The following PRKCH variants were observed in gnomAD, a reference collection of about 807,000 sequenced individuals.
PRKCH encodes protein kinase C eta type.
In PRKCH, 28 loss-of-function variants were observed where a neutral mutation model predicts 82.5. That is an observed-to-expected ratio of 0.34 (90% confidence interval 0.25 to 0.47). The LOEUF (loss-of-function observed/expected upper bound fraction) is 0.47. Ranked by LOEUF, PRKCH falls within the 20% of genes least tolerant of loss-of-function variation. The pLI is 1.00. For synonymous variants in PRKCH, 322 were observed against 327.4 expected, an observed-to-expected ratio of 0.98 and a Z score of 0.18; for missense variants, 705 against 881.8, an observed-to-expected ratio of 0.80 and a Z score of 2.54.
chr14:61,473,130 T>C (rs1885577522), intron 9 of PRKCH, among the ~76,000 whole-genome samples: 3 of 152,054 alleles, frequency 2.0e-5, no homozygotes, highest in Admixed American at 2.0e-4. Context: ...GTAACAGCAG[T>C]GCAAAGGCAC....
At chr14:61,435,024 C>T (rs1202523641) in intron 2 of PRKCH, among the ~76,000 whole-genome samples, 2 of 152,008 alleles carry the variant, frequency 1.3e-5, no homozygotes, top group African/African-American at 4.8e-5. Context: ...AAAATTAATA[C>T]CTCCCACCCC....
intron 9 of PRKCH, chr14:61,463,101 C>T (rs1244963586): frequency 2.0e-5 from 3 of 152,218 alleles, no homozygotes; most frequent in Admixed American, 6.5e-5. Flanking sequence ...GCTTTGTTTT[C>T]CACCATCTAA....
intron 1 of PRKCH, among the ~76,000 whole-genome samples, chr14:61,325,312 C>A (rs767360144): frequency 6.6e-6 from 1 of 152,100 alleles, no homozygotes; most frequent in Non-Finnish European, 1.5e-5. Context: ...AGGAATAGAT[C>A]CACACATATA....
chr14:61,430,054 G>C (rs1883310508), intron 2 of PRKCH, among the ~76,000 whole-genome samples: 1 of 152,124 alleles, frequency 6.6e-6, no homozygotes, highest in Non-Finnish European at 1.5e-5. Context: ...AAGAGTAGAG[G>C]CATATGTTGC....
intron 2 of PRKCH, among the ~76,000 whole-genome samples, chr14:61,439,420 G>GGT (rs147182439): frequency 5.9e-5 from 9 of 152,280 alleles, no homozygotes; most frequent in African/African-American, 2.2e-4. Flanking sequence ...CAAAGTCCCA[G>GGT]GTGTGTGTGT....
intron 1 of PRKCH, chr14:61,281,388 G>C (rs957176248): frequency 8.9e-6 from 3 of 337,096 alleles, no homozygotes; most frequent in African/African-American, 4.3e-5. Context: ...GCACCCCCGC[G>C]GGTCACCGGG....
chr14:61,453,408 T>TG (rs1940441369), intron 7 of PRKCH, 55 bp downstream of exon 7: 5 of 1,571,088 alleles, frequency 3.2e-6, no homozygotes, highest in Non-Finnish European at 4.3e-6. Context: ...TCAGATGTGA[T>TG]GAGCCCAAAT....
intron 1 of PRKCH, among the ~76,000 whole-genome samples, chr14:61,360,349 A>G (rs948660075): frequency 2.0e-5 from 3 of 152,278 alleles, no homozygotes; most frequent in African/African-American, 7.2e-5. Flanking sequence ...TACTAAAAAT[A>G]TAAAAATTAG....
chr14:61,511,618 G>A (rs1472401323), intron 10 of PRKCH, among the ~76,000 whole-genome samples: 1 of 152,244 alleles, frequency 6.6e-6, no homozygotes, highest in East Asian at 1.9e-4. Flanking sequence ...AAGGCGCACA[G>A]CCTCCCCGAT....
At chr14:61,205,038 T>C (rs2044511614) in intron 1 of PRKCH, among the ~76,000 whole-genome samples, 1 of 152,218 alleles carries the variant, frequency 6.6e-6, no homozygotes, top group Non-Finnish European at 1.5e-5. Context: ...TTAAGCTTAA[T>C]ATAGTATTTA....
intron 9 of PRKCH, among the ~76,000 whole-genome samples, chr14:61,479,024 T>C (rs1161712431): frequency 6.6e-6 from 1 of 152,116 alleles, no homozygotes; most frequent in Non-Finnish European, 1.5e-5. Context: ...AGGGCAGGAG[T>C]TGGCCAGCTC....
intron 10 of PRKCH, among the ~76,000 whole-genome samples, chr14:61,504,103 C>G (rs1887034687): frequency 6.6e-6 from 1 of 152,126 alleles, no homozygotes; most frequent in Non-Finnish European, 1.5e-5. Flanking sequence ...AGGTCAGACC[C>G]CATGTCATCA....
At chr14:61,294,271 C>G (rs1340655050) in intron 1 of PRKCH, among the ~76,000 whole-genome samples, 1 of 151,974 alleles carries the variant, frequency 6.6e-6, no homozygotes, top group Non-Finnish European at 1.5e-5. Flanking sequence ...CAGGTGCCTG[C>G]CACCACGCCC....
At chr14:61,440,754 G>T (rs948267018) in intron 2 of PRKCH, among the ~76,000 whole-genome samples, 2 of 152,040 alleles carry the variant, frequency 1.3e-5, no homozygotes, top group Non-Finnish European at 2.9e-5. Context: ...TGCACCTGTA[G>T]TCCCAGCTGC....
At chr14:61,381,275 G>C (rs1003523429) in intron 1 of PRKCH, among the ~76,000 whole-genome samples, 4 of 152,124 alleles carry the variant, frequency 2.6e-5, no homozygotes, top group African/African-American at 9.7e-5. Flanking sequence ...GATTGAGCAG[G>C]GTAAAGGGTG....
In PRKCH at chr14:61,487,255, GT is replaced by G. The variant is rs748915167; in HGVS notation, c.1433+1600del. 2.0e-4 allele frequency among the ~76,000 whole-genome samples: 31 copies of G among 152,188 alleles called. 1 individual carries two copies. The highest frequency in any genetic ancestry group is 4.1e-4 in the Non-Finnish European group (28 of 68,034). On this transcript the variant is annotated intron_variant, in intron 10 of 13. Transcript: ENST00000332981. ...ACGGCACTGTGCAGGAGGGAAGAGG[GT>G]GCAGAACTGGGAACCAGCCTGGATA...
chr14:61,239,902 T>C (rs1016878028), intron 1 of PRKCH, among the ~76,000 whole-genome samples: 3 of 152,224 alleles, frequency 2.0e-5, no homozygotes, highest in African/African-American at 7.2e-5. Flanking sequence ...CACTGTCTTT[T>C]GATTTCATTT....
intron 2 of PRKCH, among the ~76,000 whole-genome samples, chr14:61,395,493 G>C (rs1171916981): frequency 1.3e-5 from 2 of 152,158 alleles, no homozygotes; most frequent in Non-Finnish European, 2.9e-5. Flanking sequence ...GTAAGGTCAG[G>C]CCTGCCCAGT....
At chr14:61,527,148 GC>G (rs2042976583) in intron 10 of PRKCH, among the ~76,000 whole-genome samples, 1 of 152,158 alleles carries the variant, frequency 6.6e-6, no homozygotes, top group African/African-American at 2.4e-5. Flanking sequence ...TCAGTACATG[GC>G]CATGTTCCTG....
Sources: allele counts gnomAD v4.1 joint callset (sites outside exome capture counted in the v4.1 genomes callset), GRCh38; gene constraint gnomAD v4.1.1; transcripts MANE v1.5; gene names NCBI Gene and HGNC (gene_info 2026-07-23, HGNC 2026-07-21).